RFX4: variants seen among roughly 807,000 people sequenced by gnomAD.
The protein encoded by RFX4 is regulatory factor X4, also known as transcription factor RFX4.
RFX4 carries 10 observed loss-of-function variants against 95.0 expected under a neutral mutation model. That is an observed-to-expected ratio of 0.11 (90% CI 0.06 to 0.18). The LOEUF (loss-of-function observed/expected upper bound fraction) is 0.18, where lower values mean the gene tolerates loss of function less well. Ranked by LOEUF, RFX4 falls within the 10% of genes least tolerant of loss-of-function variation. The pLI, the probability that RFX4 is intolerant of heterozygous loss-of-function variation, is 1.00. For synonymous variants in RFX4, 321 were observed against 340.7 expected (o/e 0.94, Z 0.64); for missense variants, 640 against 922.0 (o/e 0.69, Z 3.96).
At chr12:106,643,291 G>A (rs1215154178) in intron 3 of RFX4, among the ~76,000 whole-genome samples, 4 of 152,212 alleles carry the variant, frequency 2.6e-5, no homozygotes, top group Non-Finnish European at 5.9e-5. Flanking sequence ...CGGGATGGGA[G>A]CAGGCTGAGC....
At chr12:106,725,808 G>T (rs994063155) in intron 13 of RFX4, among the ~76,000 whole-genome samples, 6 of 152,066 alleles carry the variant, frequency 3.9e-5, no homozygotes, top group Non-Finnish European at 8.8e-5. Context: ...AAGACCAAAT[G>T]ATAATCACAA....
At chr12:106,717,810 G>GCACTTGTGCGTA (rs1358782104) in intron 11 of RFX4, among the ~76,000 whole-genome samples, 1 of 152,226 alleles carries the variant, frequency 6.6e-6, no homozygotes, top group Non-Finnish European at 1.5e-5. Flanking sequence ...AGGCAGTCCA[G>GCACTTGTGCGTA]CACATGTGCG....
chr12:106,623,124 C>T (rs1043036581), intron 2 of RFX4, among the ~76,000 whole-genome samples: 17 of 149,576 alleles, frequency 1.1e-4, no homozygotes, highest in Admixed American at 2.0e-4. Context: ...CTGCAAGCTC[C>T]GCCTCCCGGG....
chr12:106,671,811 G>A (rs904764514), intron 4 of RFX4, among the ~76,000 whole-genome samples: 1 of 152,134 alleles, frequency 6.6e-6, no homozygotes, highest in Non-Finnish European at 1.5e-5. Flanking sequence ...ACAGGTGCAC[G>A]CCACCACGCC....
At chr12:106,744,622 G>T (rs1167943339) in intron 15 of RFX4, among the ~76,000 whole-genome samples, 1 of 152,182 alleles carries the variant, frequency 6.6e-6, no homozygotes, top group Admixed American at 6.5e-5. Context: ...TTTTAAAGAT[G>T]ATGAAACAGA....
intron 3 of RFX4, among the ~76,000 whole-genome samples, chr12:106,648,604 T>TAAAA (rs35119944): frequency 3.0e-4 from 40 of 133,836 alleles, no homozygotes; most frequent in African/African-American, 1.1e-3. Flanking sequence ...GGGCTTTCTG[T>TAAAA]AAAAAAAAAA....
intron 4 of RFX4, among the ~76,000 whole-genome samples, chr12:106,662,597 G>A (rs1389729653): frequency 2.6e-5 from 4 of 151,890 alleles, no homozygotes; most frequent in Non-Finnish European, 5.9e-5. Flanking sequence ...TCTCTTTCAC[G>A]GATTGTGCCT....
At chr12:106,619,085 C>A (rs1254873701) in intron 2 of RFX4, among the ~76,000 whole-genome samples, 1 of 152,168 alleles carries the variant, frequency 6.6e-6, no homozygotes, top group Non-Finnish European at 1.5e-5. Flanking sequence ...ATGGATACAT[C>A]TTGTACAAGT....
At chr12:106,686,856 TCTCTCC>T (rs2137418950) in intron 5 of RFX4, 22 bp from the exon 6 acceptor site, 9 of 1,574,856 alleles carry the variant, frequency 5.7e-6, no homozygotes, top group Admixed American at 1.7e-5. Context: ...TTTTTTTCTC[TCTCTCC>T]CTCCCTCCCC....
intron 8 of RFX4, among the ~76,000 whole-genome samples, chr12:106,697,087 G>A (rs138553227): frequency 1.3e-5 from 2 of 152,268 alleles, no homozygotes; most frequent in Non-Finnish European, 2.9e-5. Context: ...TGAGCTGGCT[G>A]GGTTCCTTCA....
At chr12:106,589,936 A>C (rs2039513702) in intron 1 of RFX4, among the ~76,000 whole-genome samples, 1 of 152,350 alleles carries the variant, frequency 6.6e-6, no homozygotes, top group South Asian at 2.1e-4. Context: ...GTGTTCATTC[A>C]TTCATCCAAG....
chr12:106,635,438 G>T (rs531254846), intron 2 of RFX4, among the ~76,000 whole-genome samples: 15 of 152,014 alleles, frequency 9.9e-5, no homozygotes, highest in Non-Finnish European at 1.9e-4. Flanking sequence ...TTAGCCACCC[G>T]AGTAGCTGGG....
intron 1 of RFX4, among the ~76,000 whole-genome samples, chr12:106,598,845 A>G (rs1323950802): frequency 2.0e-5 from 3 of 152,216 alleles, no homozygotes; most frequent in Non-Finnish European, 4.4e-5. Context: ...TCCTAATTTT[A>G]TGTTTTAATA....
At chr12:106,750,623 T>G (rs772894454) in intron 16 of RFX4, 32 bp from the exon 17 acceptor site, 4 of 1,539,292 alleles carry the variant, frequency 2.6e-6, no homozygotes, top group Non-Finnish European at 2.6e-6. Context: ...TTGCTATTAC[T>G]CACACTATTC....
chr12:106,638,018 T>C (rs558541466), intron 2 of RFX4, among the ~76,000 whole-genome samples: 48 of 130,220 alleles, frequency 3.7e-4, no homozygotes, highest in African/African-American at 1.5e-3. Context: ...TTACACTGGA[T>C]TTTTTTTTTT....
At chr12:106,745,164 C>T (rs2042869276) in intron 15 of RFX4, among the ~76,000 whole-genome samples, 1 of 152,120 alleles carries the variant, frequency 6.6e-6, no homozygotes, top group African/African-American at 2.4e-5. Flanking sequence ...TTCTTTCATT[C>T]CCACTTCCAT....
In RFX4 at chr12:106,733,076, A is replaced by G. The variant is rs763777510; in HGVS notation, c.1624A>G (p.Ser542Gly). ...TCCTTCCCCTGAGTACACTGGCCTC[A>G]GCACTACAGGTAATGGAAAGTCCTT... ...SNPSPEYTGL[S>G]TTGAMQSYTW... The change falls in exon 15 of 18, where the codon AGC (serine) becomes GGC (glycine). Residue 542 changes from serine to glycine, a missense_variant. By Grantham distance (56) the Ser-to-Gly change is moderately conservative. Around this residue, in one of 7 missense-constraint regions of RFX4, gnomAD observed 300 missense variants for 346.8 expected, o/e 0.87. Transcript: ENST00000392842. 2 of 1,614,176 alleles carry G rather than the reference A, an allele frequency of 1.2e-6. No homozygotes were observed. The highest frequency in any genetic ancestry group is 1.6e-4 in the Middle Eastern group (1 of 6,062).
intron 4 of RFX4, among the ~76,000 whole-genome samples, chr12:106,664,071 T>C (rs965797988): frequency 1.1e-4 from 16 of 151,870 alleles, no homozygotes; most frequent in African/African-American, 3.9e-4. Context: ...GCTGACTTCA[T>C]AGAAAGAGTT....
At chr12:106,681,908 C>T in intron 4 of RFX4, 85 bp from the exon 5 acceptor site, 1 of 1,430,008 alleles carries the variant, frequency 7.0e-7, no homozygotes, top group Admixed American at 1.7e-5. Flanking sequence ...GTTTTCCTCC[C>T]TTCTGTAGAT....
Sources: allele counts gnomAD v4.1 joint callset (sites outside exome capture counted in the v4.1 genomes callset), GRCh38; gene constraint gnomAD v4.1.1; regional missense constraint gnomAD v4.1.1; transcripts MANE v1.5; gene names NCBI Gene and HGNC (gene_info 2026-07-23, HGNC 2026-07-21).